GTF2H1: variants seen among roughly 807,000 people sequenced by gnomAD.
The protein encoded by GTF2H1 is BTF2 p62.
GTF2H1 carries 16 observed loss-of-function variants against 71.2 expected under a neutral mutation model. That is an observed-to-expected ratio of 0.22 (90% CI 0.15 to 0.34). The LOEUF (loss-of-function observed/expected upper bound fraction) is 0.34, where lower values mean the gene tolerates loss of function less well. Ranked by LOEUF, GTF2H1 falls within the 10% of genes least tolerant of loss-of-function variation. The pLI, the probability that GTF2H1 is intolerant of heterozygous loss-of-function variation, is 1.00. For missense variants in GTF2H1, 498 were observed against 648.2 expected (o/e 0.77, Z 2.52); for synonymous variants, 215 against 219.0 (o/e 0.98, Z 0.16).
chr11:18,356,787 GT>G (rs34873148), intron 11 of GTF2H1, among the ~76,000 whole-genome samples: 22,010 of 112,842 alleles, frequency 0.2, 1,314 homozygotes, highest in African/African-American at 0.23. Context: ...GTCAATCTTT[GT>G]TTTTTTTTTT....
chr11:18,344,509 C>T (rs1159657662), intron 7 of GTF2H1, among the ~76,000 whole-genome samples: 1 of 151,284 alleles, frequency 6.6e-6, no homozygotes, highest in Non-Finnish European at 1.5e-5. Flanking sequence ...ATTCCAGCTA[C>T]CCAGGAGGCT....
intron 6 of GTF2H1, 38 bp downstream of exon 6, chr11:18,341,448 T>C: frequency 1.9e-6 from 3 of 1,610,780 alleles, no homozygotes; most frequent in Non-Finnish European, 2.5e-6. Flanking sequence ...GTATTTAACT[T>C]GCCACCCTCT....
chr11:18,365,453 A>C (rs1214966095), intron 14 of GTF2H1, among the ~76,000 whole-genome samples: 1 of 152,204 alleles, frequency 6.6e-6, no homozygotes, highest in Non-Finnish European at 1.5e-5. Context: ...TCAAATCTAG[A>C]AAATCACAGA....
chr11:18,362,663 T>G (rs1865730419), intron 14 of GTF2H1, among the ~76,000 whole-genome samples: 1 of 72,930 alleles, frequency 1.4e-5, no homozygotes, highest in African/African-American at 4.4e-5. Context: ...ATATTTTTTC[T>G]TTTTCTTTTT....
At chr11:18,344,274 C>T (rs999784844) in intron 7 of GTF2H1, among the ~76,000 whole-genome samples, 1 of 152,124 alleles carries the variant, frequency 6.6e-6, no homozygotes, top group African/African-American at 2.4e-5. Context: ...AGCCTTCTAA[C>T]CTTTATTTTT....
At chr11:18,333,261 G>C in intron 2 of GTF2H1, 33 bp downstream of exon 2, 1 of 1,442,646 alleles carries the variant, frequency 6.9e-7, no homozygotes, top group East Asian at 2.3e-5. Context: ...TGATGTATTT[G>C]TATGTCATAG....
At chr11:18,330,419 T>A (rs974222863) in intron 1 of GTF2H1, among the ~76,000 whole-genome samples, 35 of 152,236 alleles carry the variant, frequency 2.3e-4, no homozygotes, top group Non-Finnish European at 8.8e-5. Context: ...GAGAGCTGAC[T>A]GCAAGGAGAC....
chr11:18,345,212 TTTAAAAA>T (rs1381040310), intron 7 of GTF2H1, among the ~76,000 whole-genome samples: 12 of 151,896 alleles, frequency 7.9e-5, no homozygotes, highest in East Asian at 3.9e-4. Flanking sequence ...AAAATATAAA[TTTAAAAA>T]TTAAAAATTA....
At chr11:18,324,697 C>T (rs946193710) in intron 1 of GTF2H1, among the ~76,000 whole-genome samples, 3 of 152,186 alleles carry the variant, frequency 2.0e-5, no homozygotes, top group African/African-American at 7.2e-5. Flanking sequence ...TTCCTGCCTT[C>T]AGTGTGGCAG....
rs754152058 is a variant in GTF2H1, at chr11:18,341,413, A to G, written c.757+3A>G. ...ATGTGCCAAAATAGATGAAAAAGGT[A>G]ACTGTTTATCTCTGATAGACACTGG... On this transcript the variant is annotated splice_donor_region_variant and intron_variant, in intron 6 of 14. Transcript: ENST00000265963. 6.2e-7 allele frequency: 1 copy of G among 1,613,682 alleles called. No individual in the cohort carries two copies. The highest frequency in any genetic ancestry group is 8.5e-7 in the Non-Finnish European group (1 of 1,179,772).
chr11:18,328,549 G>C (rs1864823239), intron 1 of GTF2H1, among the ~76,000 whole-genome samples: 2 of 148,846 alleles, frequency 1.3e-5, no homozygotes, highest in Non-Finnish European at 3.0e-5. Context: ...ATCATGCCAG[G>C]CATGGTGGCT....
intron 2 of GTF2H1, among the ~76,000 whole-genome samples, chr11:18,333,977 C>T (rs987962383): frequency 2.0e-5 from 3 of 152,198 alleles, no homozygotes; most frequent in Non-Finnish European, 4.4e-5. Context: ...TGCAATGGCT[C>T]ACACCTGTAA....
chr11:18,351,927 A>G lies in GTF2H1; in HGVS notation c.1100A>G (p.Asn367Ser). The change falls in exon 10 of 15, where the codon AAT becomes AGT. Residue 367 changes from asparagine to serine, a missense_variant. By Grantham distance (46) the Asn-to-Ser change is conservative. Coordinates refer to ENST00000265963, the MANE Select transcript of GTF2H1 (RefSeq NM_005316.4). ...SIEYEDLGKN[N>S]SVKTIALNLK... ...GAATATGAAGACTTGGGGAAAAATA[A>G]TTCTGTAAAAACGATTGCACTAAAC... 2 of 1,602,324 alleles carry G rather than the reference A, an allele frequency of 1.2e-6. No individual in the cohort carries two copies. The highest frequency in any genetic ancestry group is 1.7e-5 in the Admixed American group (1 of 59,950).
In GTF2H1 at chr11:18,360,618, GT is replaced by G. The variant is rs1422671480; in HGVS notation, c.1472del (p.Val491GlyfsTer3). On this transcript the variant is annotated frameshift_variant, in exon 14 of 15. Transcript: ENST00000265963. LOFTEE classifies it high-confidence loss of function. ...TATTGTTTCTCATCTTTTTTAGGTAGTGAAAATGAAAAGTAATTTGGAACGA... is the reference window on the plus strand; with the variant it reads ...TATTGTTTCTCATCTTTTTTAGGTAGGAAAATGAAAAGTAATTTGGAACGA... ...VNTPFLEEKVVKMKSNLERFQ... is the reference protein window; with the variant it reads ...VNTPFLEEKVXKMKSNLERFQ... The G allele has an allele frequency of 6.7e-7, 1 of 1,487,378 alleles. No homozygotes were observed. Among genetic ancestry groups the G allele is most frequent in the Non-Finnish European group, 9.1e-7 (1 of 1,096,580 alleles). 92.1% of individuals were successfully genotyped at this position (1,487,378 alleles called of 1,614,324 possible). A position where few individuals can be genotyped will look rare whatever the true frequency, so the allele number is the denominator to read the frequency against.
In GTF2H1 at chr11:18,341,261, T is replaced by G; in HGVS notation, c.608T>G (p.Val203Gly). The change falls in exon 6 of 15, where the codon GTA becomes GGA. Residue 203 changes from valine to glycine, a missense_variant and splice_region_variant. Val to Gly is a moderately radical substitution (Grantham distance 109). Transcript: ENST00000265963. ...IESIFRTYPA[V>G]KMKYAENVPH... is the part of the protein sequence containing the mutation. ...AATATTTGTGGGTTTTTTTCCACAG[T>G]AAAAATGAAATATGCAGAAAATGTT... 1.2e-6 allele frequency: 2 copies of G among 1,606,104 alleles called. No homozygotes were observed. Among genetic ancestry groups the G allele is most frequent in the Non-Finnish European group, 1.7e-6 (2 of 1,177,714 alleles).
chr11:18,336,377 C>T (rs981094822), intron 3 of GTF2H1, among the ~76,000 whole-genome samples: 3 of 152,172 alleles, frequency 2.0e-5, no homozygotes, highest in Non-Finnish European at 4.4e-5. Flanking sequence ...ATCCACCCAC[C>T]TCAGCCTCCC....
At chr11:18,335,304 G>A (rs944821818) in intron 2 of GTF2H1, among the ~76,000 whole-genome samples, 4 of 152,162 alleles carry the variant, frequency 2.6e-5, no homozygotes, top group Admixed American at 6.5e-5. Flanking sequence ...CAGATTTCTC[G>A]AATATAAAAT....
At chr11:18,347,197 AC>A (rs1461700289) in intron 7 of GTF2H1, 1 of 162,722 alleles carries the variant, frequency 6.1e-6, no homozygotes, top group African/African-American at 2.4e-5. Context: ...GCATGGTGAA[AC>A]CCCATCTCTA....
At chr11:18,326,401 A>T (rs1303851891) in intron 1 of GTF2H1, among the ~76,000 whole-genome samples, 1 of 152,150 alleles carries the variant, frequency 6.6e-6, no homozygotes, top group Non-Finnish European at 1.5e-5. Context: ...GCGTGCCTGT[A>T]ATCCCACCTA....
Sources: gnomAD v4.1 joint callset for allele counts (sites outside exome capture counted in the v4.1 genomes callset) on GRCh38, gnomAD v4.1.1 for gene constraint, MANE v1.5 for transcripts, NCBI Gene and HGNC (gene_info 2026-07-23, HGNC 2026-07-21) for gene names.